Variants in PRDM9 observed in about 807,000 individuals in gnomAD.
PRDM9 encodes PR/SET domain 9, also known as histone-lysine N-methyltransferase PRDM9.
A neutral mutation model predicts 55.6 loss-of-function variants in PRDM9; 47 were observed. The ratio of observed to expected loss-of-function variants is 0.85; its 90% CI spans 0.67 to 1.08. The LOEUF (loss-of-function observed/expected upper bound fraction) is 1.08, where lower values mean the gene tolerates loss of function less well. Ranked by LOEUF, PRDM9 falls within the 50% of genes least tolerant of loss-of-function variation. The pLI is 0.00. For synonymous variants in PRDM9, 312 were observed against 375.7 expected (o/e 0.83, Z 1.96); for missense variants, 867 against 1,040.3 (o/e 0.83, Z 2.29).
chr5:23,519,162 C>T (rs532990017), intron 5 of PRDM9, among the ~76,000 whole-genome samples: 18 of 152,010 alleles, frequency 1.2e-4, no homozygotes, highest in South Asian at 2.1e-4. Flanking sequence ...TAGATTAGTG[C>T]GATCCTCCTG....
In PRDM9 at chr5:23,509,172, C is replaced by A. The variant is rs181585790; in HGVS notation, c.69+70C>A. ...TCTCTGGAGTGCTGCAGACTCCTGG[C>A]CTGTACCCTTGGGGGACCCTATCTG... On this transcript the variant is annotated intron_variant, in intron 2 of 10. Transcript: ENST00000296682. The A allele has an allele frequency of 2.2e-3, 3,559 of 1,584,846 alleles. 13 individuals carry two copies. Among genetic ancestry groups the A allele is most frequent in the Non-Finnish European group, 2.6e-3 (2,993 of 1,154,972 alleles).
chr5:23,516,759 G>A (rs1177304278), intron 4 of PRDM9, among the ~76,000 whole-genome samples: 17 of 144,564 alleles, frequency 1.2e-4, no homozygotes, highest in Middle Eastern at 3.8e-3. Context: ...TCGCTCTGTC[G>A]CCCAGGCTGG....
rs776408704 is a variant in PRDM9, at chr5:23,526,697, T to G, written c.1609T>G (p.Ser537Ala). ...GECGQGFSVKSDVITHQRTHT... is the reference protein window; with the variant it reads ...GECGQGFSVKADVITHQRTHT... ...GTGTGGACAAGGTTTCAGTGTTAAA[T>G]CAGATGTTATTACACACCAAAGGAC... Residue 537 changes from serine to alanine, a missense_variant, in exon 11 of 11, where the codon TCA becomes GCA. By Grantham distance (99) the Ser-to-Ala change is moderately conservative. Coordinates refer to ENST00000296682, the MANE Select transcript of PRDM9 (RefSeq NM_020227.4). 27 of 1,614,110 alleles carry G rather than the reference T, an allele frequency of 1.7e-5. No homozygotes were observed. The Admixed American group carries it at 4.3e-4, about 26-fold the overall frequency.
chr5:23,514,599 C>G (rs572468576), intron 4 of PRDM9, among the ~76,000 whole-genome samples: 110 of 152,184 alleles, frequency 7.2e-4, no homozygotes, highest in Admixed American at 2.2e-3. Flanking sequence ...CAGGGGCACA[C>G]CAGCTAATTT....
rs1187904001 is a variant in PRDM9 at position 23,507,671 on chromosome 5, T to C, written c.-126T>C. 1 of 152,272 alleles carries C rather than the reference T, an allele frequency of 6.6e-6. No homozygotes were observed. Among genetic ancestry groups the C allele is most frequent in the Non-Finnish European group, 1.5e-5 (1 of 68,132 alleles). The allele number at this position is 152,272 out of a possible 1,614,324, so 9.4% of individuals were successfully genotyped here. Reference sequence around the variant, plus strand: ...CGCGGCAGGAGAGCACGGGAGATTGTGAAGAGCATGGGGAGCCTTTGTCGT... The same window carrying C: ...CGCGGCAGGAGAGCACGGGAGATTGCGAAGAGCATGGGGAGCCTTTGTCGT... On this transcript the variant is annotated 5_prime_UTR_variant, in exon 1 of 11. Transcript: ENST00000296682.
intron 1 of PRDM9, among the ~76,000 whole-genome samples, chr5:23,508,203 C>A (rs1357840749): frequency 1.3e-5 from 2 of 152,056 alleles, no homozygotes; most frequent in East Asian, 3.9e-4. Context: ...TCCTTTCATC[C>A]TGAGGAACCC....
chr5:23,524,050 G>T (rs1456516685), intron 9 of PRDM9, among the ~76,000 whole-genome samples: 1 of 152,204 alleles, frequency 6.6e-6, no homozygotes, highest in Admixed American at 6.5e-5. Flanking sequence ...GTGTTTTATG[G>T]CCAGTCAAGG....
chr5:23,513,883 C>A (rs1158994343), intron 4 of PRDM9, among the ~76,000 whole-genome samples: 1 of 151,876 alleles, frequency 6.6e-6, no homozygotes, highest in Non-Finnish European at 1.5e-5. Flanking sequence ...CGTGTCAAAA[C>A]AAAAACAAAA....
chr5:23,509,151 T>G, intron 2 of PRDM9, 49 bp downstream of exon 2: 93 of 1,594,062 alleles, frequency 5.8e-5, no homozygotes, highest in Non-Finnish European at 7.1e-5. Context: ...AGCTGATCTC[T>G]GGAGTGCTGC....
chr5:23,519,869 C>G (rs540071852), intron 5 of PRDM9, among the ~76,000 whole-genome samples: 73 of 151,268 alleles, frequency 4.8e-4, no homozygotes, highest in African/African-American at 1.7e-3. Context: ...CATGGTGAAA[C>G]CCCATCTCTA....
chr5:23,521,002 T>C, intron 5 of PRDM9, 21 bp from the exon 6 acceptor site: 3 of 1,613,414 alleles, frequency 1.9e-6, no homozygotes, highest in Non-Finnish European at 2.5e-6. Flanking sequence ...TGTCTTTTAA[T>C]ATGTGACTCT....
intron 4 of PRDM9, among the ~76,000 whole-genome samples, chr5:23,516,224 C>T (rs1217758795): frequency 1.3e-5 from 2 of 151,996 alleles, no homozygotes; most frequent in Non-Finnish European, 2.9e-5. Flanking sequence ...AGTTTTTTGC[C>T]TCCTTGGTTA....
intron 5 of PRDM9, among the ~76,000 whole-genome samples, chr5:23,518,833 G>A (rs1425429632): frequency 6.6e-6 from 1 of 152,194 alleles, no homozygotes; most frequent in Non-Finnish European, 1.5e-5. Flanking sequence ...TTCATTGTGA[G>A]CTCTTCAGGA....
In PRDM9 at chr5:23,524,437, G is replaced by A; in HGVS notation, c.1054G>A (p.Glu352Lys). The A allele has an allele frequency of 6.2e-7, 1 of 1,614,042 alleles. No homozygotes were observed. The highest frequency in any genetic ancestry group is 1.1e-5 in the South Asian group (1 of 91,074). Reference protein sequence around the residue: ...RTCRVIRPGCELLVWYGDEYG... With the variant: ...RTCRVIRPGCKLLVWYGDEYG... Reference sequence around the variant, plus strand: ...CTGCCGAGTCATTAGGCCAGGCTGTGAACTGCTGGTCTGGTATGGGGATGA... The same window carrying A: ...CTGCCGAGTCATTAGGCCAGGCTGTAAACTGCTGGTCTGGTATGGGGATGA... The change falls in exon 10 of 11, where the codon GAA becomes AAA. Residue 352 changes from glutamate (E) to lysine (K), a missense_variant. By Grantham distance (56) the Glu-to-Lys change is moderately conservative. Transcript: ENST00000296682.
chr5:23,515,092 T>C (rs1739181968), intron 4 of PRDM9, among the ~76,000 whole-genome samples: 1 of 151,710 alleles, frequency 6.6e-6, no homozygotes, highest in South Asian at 2.1e-4. Context: ...GCCTCCCGAG[T>C]AGCTGGGATT....
chr5:23,520,917 C>G, intron 5 of PRDM9, 106 bp from the exon 6 acceptor site: 1 of 1,327,038 alleles, frequency 7.5e-7, no homozygotes, highest in Non-Finnish European at 1.1e-6. Flanking sequence ...TAGGTATTTT[C>G]AAGGTTTGAA....
intron 5 of PRDM9, among the ~76,000 whole-genome samples, chr5:23,520,155 A>G (rs1739300024): frequency 6.6e-6 from 1 of 151,792 alleles, no homozygotes; most frequent in African/African-American, 2.4e-5. Context: ...ACTTGAGGTG[A>G]GGAGTTCGAG....
rs1240600651 is a variant in PRDM9, at chr5:23,509,668, C to A, written c.193+75C>A. On this transcript the variant is annotated intron_variant, in intron 3 of 10. Coordinates refer to ENST00000296682, the MANE Select transcript of PRDM9 (RefSeq NM_020227.4). The stretch of plus-strand genomic sequence containing the variant: ...CTTTGGTCCCTATATTATTTTAGTT[C>A]TCAGGTGGTGGCATCTGCCCACAAT... 2.5e-6 allele frequency: 4 copies of A among 1,609,510 alleles called. No individual in the cohort carries two copies. The East Asian group carries it at 6.7e-5, about 27-fold the overall frequency.
At chr5:23,509,695 C>T in intron 3 of PRDM9, 102 bp downstream of exon 3, 1 of 1,588,600 alleles carries the variant, frequency 6.3e-7, no homozygotes, top group Non-Finnish European at 8.6e-7. Context: ...GCCCACAATT[C>T]CCTTTTTCAT....
Sources: allele counts gnomAD v4.1 joint callset (sites outside exome capture counted in the v4.1 genomes callset), GRCh38; gene constraint gnomAD v4.1.1; transcripts MANE v1.5; gene names NCBI Gene and HGNC (gene_info 2026-07-23, HGNC 2026-07-21).